The following SUCLG2 variants were observed in gnomAD, a reference collection of about 807,000 sequenced individuals.
SUCLG2 encodes the protein succinate-CoA ligase GDP-forming subunit beta.
In SUCLG2, 42 loss-of-function variants were observed where a neutral mutation model predicts 47.9. The observed-to-expected ratio is 0.88, with a 90% CI of 0.69 to 1.14. The LOEUF (loss-of-function observed/expected upper bound fraction) is 1.14, where lower values mean the gene tolerates loss of function less well. SUCLG2 is among the 50% of genes most tolerant of loss of function. The pLI is 0.00. For synonymous variants in SUCLG2, 195 were observed against 197.3 expected (o/e 0.99, Z 0.10); for missense variants, 571 against 525.9 (o/e 1.09, Z -0.84).
At chr3:67,376,654 A>G (rs949511053) in intron 10 of SUCLG2, 1 of 305,374 alleles carries the variant, frequency 3.3e-6, no homozygotes, top group African/African-American at 2.3e-5. Flanking sequence ...CTTACCACAA[A>G]GAGTGCAGAT....
intron 10 of SUCLG2, among the ~76,000 whole-genome samples, chr3:67,367,740 T>G (rs1223676703): frequency 6.6e-6 from 1 of 152,170 alleles, no homozygotes; most frequent in Non-Finnish European, 1.5e-5. Flanking sequence ...AGAGCAAAAT[T>G]GTCCTTAGTT....
At chr3:67,650,467 G>C (rs1027955485) in intron 1 of SUCLG2, among the ~76,000 whole-genome samples, 3 of 152,136 alleles carry the variant, frequency 2.0e-5, no homozygotes, top group Non-Finnish European at 4.4e-5. Flanking sequence ...TTCTAAAATA[G>C]GAGGCCTGGC....
chr3:67,528,795 A>G (rs1303750903), intron 3 of SUCLG2, among the ~76,000 whole-genome samples: 1 of 152,192 alleles, frequency 6.6e-6, no homozygotes, highest in Non-Finnish European at 1.5e-5. Flanking sequence ...ACATTATGGA[A>G]GTAGCATTTC....
intron 10 of SUCLG2, among the ~76,000 whole-genome samples, chr3:67,361,838 GA>G: frequency 6.6e-6 from 1 of 152,300 alleles, no homozygotes; most frequent in Non-Finnish European, 1.5e-5. Context: ...CAGATGTCTA[GA>G]AAGTGCTTGC....
intron 9 of SUCLG2, among the ~76,000 whole-genome samples, chr3:67,466,186 C>T (rs2106970370): frequency 6.6e-6 from 1 of 152,124 alleles, no homozygotes; most frequent in African/African-American, 2.4e-5. Context: ...AACTCCGTCT[C>T]TATCGAAAAT....
intron 10 of SUCLG2, among the ~76,000 whole-genome samples, chr3:67,364,377 T>C (rs2106741174): frequency 6.6e-6 from 1 of 151,592 alleles, no homozygotes; most frequent in African/African-American, 2.4e-5. Context: ...CCCCCCCAAC[T>C]ATTCACTGTT....
At chr3:67,444,162 G>T (rs1703859695) in intron 9 of SUCLG2, among the ~76,000 whole-genome samples, 1 of 58,580 alleles carries the variant, frequency 1.7e-5, no homozygotes, top group Admixed American at 2.0e-4. Context: ...GGAGGTGGGG[G>T]AGTCAGCCCC....
rs186442869 is a variant in SUCLG2, at chr3:67,600,075, A to G, written c.226+9380T>C. Among the ~76,000 whole-genome samples, 164 of 152,364 alleles carry G rather than the reference A, an allele frequency of 1.1e-3. 1 individual carries two copies. The highest frequency in any genetic ancestry group is 3.3e-3 in the African/African-American group (138 of 41,592). On this transcript the variant is annotated intron_variant, in intron 2 of 10. Coordinates refer to ENST00000307227, the MANE Select transcript of SUCLG2 (RefSeq NM_003848.4). ...ATATTTATTCTGTTGCAATGTAAAG[A>G]AAGTATGACGCTCATTTTCTTTAAA...
At chr3:67,383,395 T>G (rs75660469) in intron 10 of SUCLG2, among the ~76,000 whole-genome samples, 5,881 of 152,318 alleles carry the variant, frequency 0.039, 365 homozygotes, top group African/African-American at 0.13. Context: ...AGGCTTTAGA[T>G]TTCTCCTTGA....
At chr3:67,539,068 T>G (rs1256437909) in intron 2 of SUCLG2, among the ~76,000 whole-genome samples, 1 of 152,204 alleles carries the variant, frequency 6.6e-6, no homozygotes, top group Non-Finnish European at 1.5e-5. Flanking sequence ...CTTGCCTGAT[T>G]GTCCTGGCCA....
chr3:67,391,277 C>G (rs1411071843), intron 10 of SUCLG2, among the ~76,000 whole-genome samples: 2 of 152,140 alleles, frequency 1.3e-5, no homozygotes, highest in Non-Finnish European at 2.9e-5. Context: ...TGGGTGGACA[C>G]TTTCTTATCC....
At chr3:67,414,288 G>A (rs918888369) in intron 9 of SUCLG2, among the ~76,000 whole-genome samples, 7 of 152,294 alleles carry the variant, frequency 4.6e-5, no homozygotes, top group Non-Finnish European at 8.8e-5. Context: ...TGTAATCTCT[G>A]CCTTGGCAGA....
intron 10 of SUCLG2, among the ~76,000 whole-genome samples, chr3:67,396,302 G>A (rs201754042): frequency 0.31 from 46,875 of 151,430 alleles, 7,771 homozygotes; most frequent in African/African-American, 0.42. Flanking sequence ...AAAAGAGAGA[G>A]GAATCAAATA....
At chr3:67,364,882 A>T (rs147516662) in intron 10 of SUCLG2, among the ~76,000 whole-genome samples, 1 of 152,236 alleles carries the variant, frequency 6.6e-6, no homozygotes, top group African/African-American at 2.4e-5. Flanking sequence ...TAAAGCAACC[A>T]TCATAAAAAA....
At chr3:67,484,057 C>G (rs754431685) in intron 9 of SUCLG2, among the ~76,000 whole-genome samples, 4 of 152,224 alleles carry the variant, frequency 2.6e-5, no homozygotes, top group African/African-American at 7.2e-5. Context: ...TTGCCTCCCT[C>G]TGTGTGTGCT....
intron 2 of SUCLG2, among the ~76,000 whole-genome samples, chr3:67,533,282 T>A (rs1576397): frequency 0.86 from 130,834 of 152,220 alleles, 56,939 homozygotes; most frequent in East Asian, 1. Flanking sequence ...CTTTTCTAAA[T>A]TATAATACTT....
chr3:67,457,550 G>A (rs1443311240), intron 9 of SUCLG2, among the ~76,000 whole-genome samples: 6 of 152,044 alleles, frequency 3.9e-5, no homozygotes, highest in Non-Finnish European at 5.9e-5. Flanking sequence ...ACTTACAGAA[G>A]ATGCCCGAGG....
intron 9 of SUCLG2, chr3:67,408,912 CAG>C (rs775197870): frequency 7.2e-5 from 109 of 1,516,880 alleles, no homozygotes; most frequent in Non-Finnish European, 9.4e-5. Flanking sequence ...TCTCTATAAT[CAG>C]AGACTCCCAA....
At chr3:67,567,744 A>C (rs1161426704) in intron 2 of SUCLG2, among the ~76,000 whole-genome samples, 1 of 152,128 alleles carries the variant, frequency 6.6e-6, no homozygotes, top group East Asian at 1.9e-4. Flanking sequence ...TCCCCAGTTG[A>C]GCCAAAGTGG....
Sources: gnomAD v4.1 joint callset for allele counts (sites outside exome capture counted in the v4.1 genomes callset) on GRCh38, gnomAD v4.1.1 for gene constraint, MANE v1.5 for transcripts, NCBI Gene and HGNC (gene_info 2026-07-23, HGNC 2026-07-21) for gene names.